The following ANK3 variants were observed in gnomAD, a reference collection of about 807,000 sequenced individuals.
ANK3 encodes ankyrin-3.
ANK3 carries 57 observed loss-of-function variants against 370.9 expected under a neutral mutation model. The observed-to-expected ratio is 0.15, with a 90% CI of 0.12 to 0.19. The LOEUF is 0.19. ANK3 is among the 10% of genes least tolerant of loss of function. ANK3 has a pLI of 1.00. For missense variants in ANK3, 4,439 were observed against 5,302.1 expected (o/e 0.84, Z 5.06); for synonymous variants, 1,929 against 1,946.3 (o/e 0.99, Z 0.23).
At chr10:60,125,257 C>T (rs917054291) in intron 25 of ANK3, among the ~76,000 whole-genome samples, 2 of 151,922 alleles carry the variant, frequency 1.3e-5, no homozygotes, top group Non-Finnish European at 2.9e-5. Context: ...ATTAAATTTC[C>T]GAATTGGATT....
intron 43 of ANK3, among the ~76,000 whole-genome samples, chr10:60,042,115 C>G (rs1352623354): frequency 6.6e-6 from 1 of 152,192 alleles, no homozygotes; most frequent in East Asian, 1.9e-4. Flanking sequence ...ACAAAGCTCA[C>G]TTACTAAACA....
At chr10:60,326,691 G>T (rs2049951863) in intron 1 of ANK3, among the ~76,000 whole-genome samples, 1 of 151,932 alleles carries the variant, frequency 6.6e-6, no homozygotes, top group Non-Finnish European at 1.5e-5. Flanking sequence ...TAAATGAATA[G>T]GTGGATGTGG....
chr10:60,368,549 C>A (rs1201432183), intron 1 of ANK3, among the ~76,000 whole-genome samples: 1 of 152,036 alleles, frequency 6.6e-6, no homozygotes, highest in Non-Finnish European at 1.5e-5. Flanking sequence ...ATACACCACA[C>A]AAAGTTAAGG....
At chr10:60,684,105 T>C (rs2079233908) in intron 1 of ANK3, among the ~76,000 whole-genome samples, 1 of 152,156 alleles carries the variant, frequency 6.6e-6, no homozygotes, top group South Asian at 2.1e-4. Context: ...TGGGTGATCA[T>C]GGATGAAGCA....
chr10:60,251,502 G>A (rs755894826), intron 7 of ANK3, among the ~76,000 whole-genome samples: 2 of 152,040 alleles, frequency 1.3e-5, no homozygotes, highest in Non-Finnish European at 2.9e-5. Context: ...AGCCATCCTG[G>A]GCCTCTCCCA....
intron 2 of ANK3, among the ~76,000 whole-genome samples, chr10:60,466,591 A>C (rs1410150843): frequency 6.6e-6 from 1 of 152,174 alleles, no homozygotes; most frequent in Non-Finnish European, 1.5e-5. Flanking sequence ...AACTGAAAAC[A>C]CTGGTCCACA....
At chr10:60,691,503 T>C (rs919402542) in intron 1 of ANK3, among the ~76,000 whole-genome samples, 8 of 152,068 alleles carry the variant, frequency 5.3e-5, no homozygotes, top group Admixed American at 2.0e-4. Context: ...ACAGAGAAGA[T>C]CCACTAAACG....
intron 2 of ANK3, among the ~76,000 whole-genome samples, chr10:60,522,909 A>C (rs1312955675): frequency 6.6e-6 from 1 of 152,144 alleles, no homozygotes; most frequent in East Asian, 1.9e-4. Context: ...GAAATGAATT[A>C]GAAGACACAA....
chr10:60,712,337 TATTA>T (rs534031420), intron 1 of ANK3, among the ~76,000 whole-genome samples: 203 of 152,300 alleles, frequency 1.3e-3, no homozygotes, highest in Admixed American at 2.2e-3. Context: ...ATGACAGCAA[TATTA>T]TAAGGGATGA....
At chr10:60,141,571 T>TTTTTTTTTTTTTTG (rs2094565144) in intron 23 of ANK3, among the ~76,000 whole-genome samples, 1 of 120,990 alleles carries the variant, frequency 8.3e-6, no homozygotes, top group African/African-American at 3.3e-5. Flanking sequence ...GTTTTTTTTT[T>TTTTTTTTTTTTTTG]TTTTTTTTTT....
intron 43 of ANK3, among the ~76,000 whole-genome samples, chr10:60,035,080 A>G (rs1254537786): frequency 6.6e-6 from 1 of 152,162 alleles, no homozygotes; most frequent in African/African-American, 2.4e-5. Context: ...AAAACCTAAC[A>G]GTAATAAAAT....
intron 2 of ANK3, among the ~76,000 whole-genome samples, chr10:60,553,003 G>A (rs549238808): frequency 1.3e-3 from 191 of 152,250 alleles, no homozygotes; most frequent in Non-Finnish European, 2.1e-3. Flanking sequence ...AGGCCTCCCT[G>A]GCCATGTGGA....
At chr10:60,082,362 T>A in intron 34 of ANK3, 186 bp from the exon 35 acceptor site, 1 of 674,696 alleles carries the variant, frequency 1.5e-6, no homozygotes, top group Non-Finnish European at 2.4e-6. Context: ...AATTAACATA[T>A]GACGTTATTT....
At chr10:60,456,892 A>G (rs1378590142) in intron 2 of ANK3, among the ~76,000 whole-genome samples, 5 of 152,140 alleles carry the variant, frequency 3.3e-5, no homozygotes, top group Non-Finnish European at 7.4e-5. Context: ...GCTCTCTAAC[A>G]CTGAATAGGA....
intron 35 of ANK3, among the ~76,000 whole-genome samples, chr10:60,081,119 C>T (rs2085116447): frequency 6.6e-6 from 1 of 152,010 alleles, no homozygotes; most frequent in Non-Finnish European, 1.5e-5. Flanking sequence ...CGGAGTCTTG[C>T]TCTTGTAGCC....
At chr10:60,351,647 G>C (rs2056890292) in intron 1 of ANK3, among the ~76,000 whole-genome samples, 1 of 152,174 alleles carries the variant, frequency 6.6e-6, no homozygotes, top group Non-Finnish European at 1.5e-5. Flanking sequence ...ACTTTATTGG[G>C]AAACTGTATG....
At chr10:60,394,906 T>TA (rs973070345) in intron 2 of ANK3, among the ~76,000 whole-genome samples, 9 of 152,150 alleles carry the variant, frequency 5.9e-5, no homozygotes, top group African/African-American at 1.2e-4. Context: ...TTTGCAAATT[T>TA]AAAAAAATAT....
chr10:60,689,808 T>C (rs2079325009), intron 1 of ANK3, among the ~76,000 whole-genome samples: 1 of 151,898 alleles, frequency 6.6e-6, no homozygotes, highest in South Asian at 2.1e-4. Flanking sequence ...TTTATATTTA[T>C]ATAGATTTTA....
intron 43 of ANK3, among the ~76,000 whole-genome samples, chr10:60,035,679 C>T (rs112989940): frequency 0.16 from 24,698 of 151,414 alleles, 2,472 homozygotes; most frequent in Admixed American, 0.24. Flanking sequence ...CTTTTGTTAA[C>T]AGGAATTTTT....
Sources: allele counts gnomAD v4.1 joint callset (sites outside exome capture counted in the v4.1 genomes callset), GRCh38; gene constraint gnomAD v4.1.1; transcripts MANE v1.5; gene names NCBI Gene and HGNC (gene_info 2026-07-23, HGNC 2026-07-21).